The following ADGRL2 variants were observed in gnomAD, a reference collection of about 807,000 sequenced individuals.
The protein encoded by ADGRL2 is adhesion G protein-coupled receptor L2, also known as calcium-independent alpha-latrotoxin receptor 2.
Under a neutral mutation model 157.4 loss-of-function variants are expected in ADGRL2, and 44 were observed. The ratio of observed to expected loss-of-function variants is 0.28; its 90% CI spans 0.22 to 0.36. The LOEUF is 0.36. Ranked by LOEUF, ADGRL2 falls within the 10% of genes least tolerant of loss-of-function variation. The probability of loss-of-function intolerance (pLI) is 1.00; values close to 1 mark genes in which losing one functional copy is unlikely to be tolerated. For synonymous variants in ADGRL2, 585 were observed against 624.7 expected, an observed-to-expected ratio of 0.94 and a Z score of 0.95; for missense variants, 1,510 against 1,768.9, an observed-to-expected ratio of 0.85 and a Z score of 2.63.
intron 1 of ADGRL2, among the ~76,000 whole-genome samples, chr1:81,444,345 G>A (rs1156567993): frequency 6.6e-6 from 1 of 152,064 alleles, no homozygotes; most frequent in Non-Finnish European, 1.5e-5. Flanking sequence ...AGATCTAAGG[G>A]ATATAATCAC....
intron 6 of ADGRL2, among the ~76,000 whole-genome samples, chr1:81,947,030 C>T (rs1269602788): frequency 1.3e-5 from 2 of 152,082 alleles, no homozygotes; most frequent in African/African-American, 2.4e-5. Flanking sequence ...TTCATGGGTA[C>T]TTATTAAGCA....
chr1:81,689,044 G>A (rs1029705513), intron 3 of ADGRL2, among the ~76,000 whole-genome samples: 1 of 152,198 alleles, frequency 6.6e-6, no homozygotes, highest in African/African-American at 2.4e-5. Context: ...TCTCAGCTGT[G>A]GAGAACAGGT....
At position 81,990,041 on chromosome 1, in the gene ADGRL2, A is replaced by G. The variant is rs989126273; in HGVS notation, c.3656-350A>G. On this transcript the variant is annotated intron_variant, in intron 23 of 23. Transcript: ENST00000686636. ...TGTACTTTAAAATGTAAATGTCACT[A>G]ATGAATTGCTTTGCATTAACTATGC... The G allele has an allele frequency of 6.1e-6, 6 of 984,786 alleles. No individual in the cohort carries two copies. The East Asian group carries it at 6.8e-4, about 112-fold the overall frequency. The allele number at this position is 984,786 out of a possible 1,614,324, so 61.0% of individuals were successfully genotyped here.
At chr1:81,603,789 G>A (rs894366728) in intron 3 of ADGRL2, among the ~76,000 whole-genome samples, 3 of 152,146 alleles carry the variant, frequency 2.0e-5, no homozygotes, top group African/African-American at 7.2e-5. Context: ...TGCCATTAAA[G>A]GCGAGTCCTG....
At chr1:81,424,112 C>T (rs1355383005) in intron 1 of ADGRL2, among the ~76,000 whole-genome samples, 1 of 152,182 alleles carries the variant, frequency 6.6e-6, no homozygotes, top group Non-Finnish European at 1.5e-5. Flanking sequence ...ACTGAACATT[C>T]CAGGCCCAAG....
At chr1:81,789,162 C>T (rs1229921328) in intron 2 of ADGRL2, among the ~76,000 whole-genome samples, 2 of 152,164 alleles carry the variant, frequency 1.3e-5, no homozygotes, top group African/African-American at 4.8e-5. Context: ...ATACAGGCCA[C>T]AGCAGTTTGA....
intron 3 of ADGRL2, among the ~76,000 whole-genome samples, chr1:81,642,468 C>G (rs1010539535): frequency 4.7e-5 from 7 of 150,470 alleles, no homozygotes; most frequent in Non-Finnish European, 8.9e-5. Flanking sequence ...AAAGACACAA[C>G]CTGCCAAAAC....
intron 2 of ADGRL2, among the ~76,000 whole-genome samples, chr1:81,845,267 G>A (rs2092741515): frequency 6.6e-6 from 1 of 151,866 alleles, no homozygotes; most frequent in African/African-American, 2.4e-5. Context: ...CTACTTGCCA[G>A]CCATTTGTAC....
At chr1:81,712,755 AT>A (rs60265943) in intron 1 of ADGRL2, among the ~76,000 whole-genome samples, 2,986 of 100,160 alleles carry the variant, frequency 0.03, 62 homozygotes, top group African/African-American at 0.11. Context: ...TGGATCGCGG[AT>A]TTTTTTTTTT....
intron 2 of ADGRL2, chr1:81,579,456 C>T (rs1027601381): frequency 3.3e-5 from 5 of 152,106 alleles, no homozygotes; most frequent in Admixed American, 1.3e-4. Context: ...TTGAAAACTA[C>T]TCCATGCCCA....
intron 2 of ADGRL2, among the ~76,000 whole-genome samples, chr1:81,886,406 G>A (rs753477205): frequency 6.6e-6 from 1 of 152,120 alleles, no homozygotes; most frequent in Non-Finnish European, 1.5e-5. Context: ...TCCTGACCTC[G>A]TGATCTGCCC....
At chr1:81,597,731 G>A (rs930228567) in intron 3 of ADGRL2, among the ~76,000 whole-genome samples, 1 of 152,096 alleles carries the variant, frequency 6.6e-6, no homozygotes, top group Non-Finnish European at 1.5e-5. Context: ...AGTCAGAAAT[G>A]CATTTCATAC....
chr1:81,939,238 T>C (rs1222904901), intron 4 of ADGRL2, among the ~76,000 whole-genome samples: 1 of 151,626 alleles, frequency 6.6e-6, no homozygotes, highest in Admixed American at 6.6e-5. Flanking sequence ...TATGTGATGC[T>C]TGTACTTTCC....
At chr1:81,831,892 T>G (rs1354800633) in intron 1 of ADGRL2, among the ~76,000 whole-genome samples, 1 of 152,172 alleles carries the variant, frequency 6.6e-6, no homozygotes, top group East Asian at 1.9e-4. Context: ...GCTTTGTAGA[T>G]AGCCTTGATT....
At chr1:81,376,358 T>C (rs545596137) in intron 1 of ADGRL2, among the ~76,000 whole-genome samples, 1 of 152,314 alleles carries the variant, frequency 6.6e-6, no homozygotes, top group African/African-American at 2.4e-5. Flanking sequence ...GGCCTGGTAT[T>C]TTGGGAACTT....
At chr1:81,884,708 C>T (rs528670410) in intron 2 of ADGRL2, among the ~76,000 whole-genome samples, 3 of 152,178 alleles carry the variant, frequency 2.0e-5, no homozygotes, top group East Asian at 3.9e-4. Flanking sequence ...GAACCTGATA[C>T]GAATGTGACC....
At chr1:81,512,589 A>AATG (rs1250932762) in intron 2 of ADGRL2, among the ~76,000 whole-genome samples, 1 of 152,152 alleles carries the variant, frequency 6.6e-6, no homozygotes, top group Non-Finnish European at 1.5e-5. Flanking sequence ...CAGAAATCTT[A>AATG]TTTGACTATT....
chr1:81,673,616 A>G (rs564904818), intron 3 of ADGRL2, among the ~76,000 whole-genome samples: 15 of 145,050 alleles, frequency 1.0e-4, no homozygotes, highest in African/African-American at 2.3e-4. Context: ...CCGGGTTCAC[A>G]CCATTCTCCT....
chr1:81,361,819 T>A (rs1329023298), intron 1 of ADGRL2, among the ~76,000 whole-genome samples: 1 of 151,906 alleles, frequency 6.6e-6, no homozygotes, highest in Non-Finnish European at 1.5e-5. Context: ...AGAGCAATTT[T>A]TGATATCTGT....
Sources: allele counts gnomAD v4.1 joint callset (sites outside exome capture counted in the v4.1 genomes callset), GRCh38; gene constraint gnomAD v4.1.1; transcripts MANE v1.5; gene names NCBI Gene and HGNC (gene_info 2026-07-23, HGNC 2026-07-21).